Variants in PIP4K2A observed in about 807,000 individuals in gnomAD.
PIP4K2A encodes phosphatidylinositol 5-phosphate 4-kinase type-2 alpha.
In PIP4K2A, 14 loss-of-function variants were observed where a neutral mutation model predicts 42.9. The ratio of observed to expected loss-of-function variants is 0.33; its 90% CI spans 0.22 to 0.51. The LOEUF (loss-of-function observed/expected upper bound fraction) is 0.51. Ranked by LOEUF, PIP4K2A falls within the 20% of genes least tolerant of loss-of-function variation. The probability of loss-of-function intolerance (pLI) is 0.97; values close to 1 mark genes in which losing one functional copy is unlikely to be tolerated. For missense variants in PIP4K2A, 434 were observed against 519.8 expected, an observed-to-expected ratio of 0.83 and a Z score of 1.61; for synonymous variants, 192 against 192.2, an observed-to-expected ratio of 1.00 and a Z score of 0.01.
At chr10:22,539,905 GA>G (rs1409212902) in intron 9 of PIP4K2A, 65 bp downstream of exon 9, 67 of 222,376 alleles carry the variant, frequency 3.0e-4, no homozygotes, top group Middle Eastern at 2.1e-3. Context: ...GAGAGAGAGA[GA>G]GAGAGGGAGA....
intron 1 of PIP4K2A, chr10:22,646,300 A>C (rs1838879882): frequency 6.6e-6 from 1 of 152,214 alleles, no homozygotes; most frequent in Non-Finnish European, 1.5e-5. Context: ...AGGAATAGAG[A>C]AAGGGAGATT....
At chr10:22,564,365 C>G (rs955348927) in intron 6 of PIP4K2A, among the ~76,000 whole-genome samples, 2 of 152,098 alleles carry the variant, frequency 1.3e-5, no homozygotes, top group Admixed American at 1.3e-4. Flanking sequence ...CTGAAGAAAT[C>G]AAAATGAATG....
intron 1 of PIP4K2A, among the ~76,000 whole-genome samples, chr10:22,647,015 G>A (rs1352142510): frequency 1.3e-5 from 2 of 151,594 alleles, no homozygotes; most frequent in African/African-American, 4.8e-5. Context: ...CTGATCCATG[G>A]GTGTTTTCTC....
intron 1 of PIP4K2A, among the ~76,000 whole-genome samples, chr10:22,663,103 A>G (rs1839238127): frequency 6.6e-6 from 1 of 152,260 alleles, no homozygotes; most frequent in Admixed American, 6.5e-5. Context: ...TAGTGTCAGC[A>G]GTAAACTGAG....
At chr10:22,629,453 T>C (rs372756442) in intron 1 of PIP4K2A, among the ~76,000 whole-genome samples, 2 of 152,214 alleles carry the variant, frequency 1.3e-5, no homozygotes, top group East Asian at 1.9e-4. Flanking sequence ...AAGCAATCTA[T>C]GCTAACTATA....
At chr10:22,653,712 G>A (rs1238638760) in intron 1 of PIP4K2A, among the ~76,000 whole-genome samples, 2 of 152,074 alleles carry the variant, frequency 1.3e-5, no homozygotes, top group African/African-American at 4.8e-5. Flanking sequence ...CCAGGAGTTC[G>A]AGACCAGCCT....
At chr10:22,643,149 A>C (rs1838813976) in intron 1 of PIP4K2A, among the ~76,000 whole-genome samples, 1 of 150,964 alleles carries the variant, frequency 6.6e-6, no homozygotes, top group African/African-American at 2.4e-5. Flanking sequence ...AGTTTTCCCA[A>C]CTCCAAGTCT....
intron 1 of PIP4K2A, among the ~76,000 whole-genome samples, chr10:22,610,556 A>G (rs894930289): frequency 1.2e-4 from 19 of 152,358 alleles, no homozygotes; most frequent in African/African-American, 4.3e-4. Context: ...GCAAACAACA[A>G]AAGAATGAGC....
intron 1 of PIP4K2A, among the ~76,000 whole-genome samples, chr10:22,624,561 T>TA (rs58081159): frequency 0.076 from 11,622 of 152,080 alleles, 1,188 homozygotes; most frequent in African/African-American, 0.23. Context: ...GCAAGCACTT[T>TA]AAAAAAAAGT....
intron 1 of PIP4K2A, among the ~76,000 whole-genome samples, chr10:22,656,328 A>G (rs1839101048): frequency 6.6e-6 from 1 of 152,186 alleles, no homozygotes; most frequent in South Asian, 2.1e-4. Flanking sequence ...CTGTGCCTAA[A>G]AAAAATAAGC....
chr10:22,685,310 A>AGTC, intron 1 of PIP4K2A, among the ~76,000 whole-genome samples: 1 of 152,320 alleles, frequency 6.6e-6, no homozygotes. Flanking sequence ...AATGAATCAT[A>AGTC]ATACTAAAAA....
In PIP4K2A at chr10:22,709,121, T is replaced by TTA. The variant is rs1554811208; in HGVS notation, c.144+5061_144+5062insTA. Among the ~76,000 whole-genome samples the TTA allele has an allele frequency of 1.6e-3, 242 of 151,380 alleles. 2 individuals carry two copies. The highest frequency in any genetic ancestry group is 5.7e-3 in the African/African-American group (234 of 41,150). On this transcript the variant is annotated intron_variant, in intron 1 of 9. Coordinates refer to ENST00000376573, the MANE Select transcript of PIP4K2A (RefSeq NM_005028.5). Reference sequence around the variant, plus strand: ...ATTTAGCAGACTTTTTTTTTTTTTTTAAAAGTCCCCGATTGATAAACACCT... The same window carrying TTA: ...ATTTAGCAGACTTTTTTTTTTTTTTTTAAAAAGTCCCCGATTGATAAACACCT...
intron 1 of PIP4K2A, among the ~76,000 whole-genome samples, chr10:22,673,676 C>A (rs930353193): frequency 2.0e-5 from 3 of 152,168 alleles, no homozygotes; most frequent in African/African-American, 4.8e-5. Context: ...TCCCACTATT[C>A]ATGTAATTGT....
At chr10:22,578,711 CTTTT>C (rs561702896) in intron 4 of PIP4K2A, among the ~76,000 whole-genome samples, 218 of 152,336 alleles carry the variant, frequency 1.4e-3, no homozygotes, top group South Asian at 4.1e-3. Context: ...ACAACCCTTT[CTTTT>C]GAGTTGCACA....
intron 1 of PIP4K2A, among the ~76,000 whole-genome samples, chr10:22,711,257 T>A (rs1335843666): frequency 6.6e-6 from 1 of 152,190 alleles, no homozygotes; most frequent in Non-Finnish European, 1.5e-5. Flanking sequence ...CATTTTCACC[T>A]TAATTGCAAG....
intron 1 of PIP4K2A, among the ~76,000 whole-genome samples, chr10:22,710,063 C>CAAA (rs34126375): frequency 1.6e-5 from 2 of 124,686 alleles, no homozygotes; most frequent in Admixed American, 8.4e-5. Context: ...ACCCATGAAC[C>CAAA]AAAAAAAAAA....
chr10:22,652,902 T>C (rs1839022172), intron 1 of PIP4K2A, among the ~76,000 whole-genome samples: 1 of 152,156 alleles, frequency 6.6e-6, no homozygotes, highest in Admixed American at 6.5e-5. Flanking sequence ...GAGACCAGCC[T>C]GAGTAACATA....
At chr10:22,560,844 T>A (rs1836673834) in intron 6 of PIP4K2A, among the ~76,000 whole-genome samples, 1 of 152,216 alleles carries the variant, frequency 6.6e-6, no homozygotes, top group South Asian at 2.1e-4. Context: ...CCCAGGACTC[T>A]CTCTCTCAAG....
At chr10:22,648,148 A>C (rs1397088497) in intron 1 of PIP4K2A, among the ~76,000 whole-genome samples, 1 of 151,942 alleles carries the variant, frequency 6.6e-6, no homozygotes, top group African/African-American at 2.4e-5. Flanking sequence ...CACAAAATTC[A>C]CTCTGTTTAA....
Sources: allele counts gnomAD v4.1 joint callset (sites outside exome capture counted in the v4.1 genomes callset), GRCh38; gene constraint gnomAD v4.1.1; transcripts MANE v1.5; gene names NCBI Gene and HGNC (gene_info 2026-07-23, HGNC 2026-07-21).